The following CYP26A1 variants were observed in gnomAD, a reference collection of about 807,000 sequenced individuals.
The protein encoded by CYP26A1 is cytochrome P450 family 26 subfamily A member 1.
A neutral mutation model predicts 47.4 loss-of-function variants in CYP26A1; 46 were observed. The observed-to-expected ratio is 0.97, with a 90% CI of 0.77 to 1.24. CYP26A1 has a LOEUF of 1.24. CYP26A1 is among the 50% of genes most tolerant of loss of function. CYP26A1 has a pLI of 0.00. For missense variants in CYP26A1, 680 were observed against 644.4 expected, an observed-to-expected ratio of 1.06 and a Z score of -0.60; for synonymous variants, 277 against 263.7, an observed-to-expected ratio of 1.05 and a Z score of -0.49.
Position 93,077,397 on chromosome 10 carries a change from T to C in CYP26A1, c.*93T>C, listed in dbSNP as rs937605564. ...TGACTTTATATTTAATTTCTAAATG[T>C]ATATTATAATATTTATGTGTTTTGA... On this transcript the variant is annotated 3_prime_UTR_variant, in exon 7 of 7. Coordinates refer to ENST00000224356, the MANE Select transcript of CYP26A1 (RefSeq NM_000783.4). 2.0e-6 allele frequency: 1 copy of C among 501,894 alleles called. No individual in the cohort carries two copies. Among genetic ancestry groups the C allele is most frequent in the Non-Finnish European group, 3.3e-6 (1 of 303,444 alleles). 31.1% of individuals were successfully genotyped at this position (501,894 alleles called of 1,614,324 possible). A position where few individuals can be genotyped will look rare whatever the true frequency, so the allele number is the denominator to read the frequency against.
rs1846944631 is a variant in CYP26A1, at chr10:93,074,602, T to C, written c.414+70T>C. The stretch of plus-strand genomic sequence containing the variant: ...TATGAGCGGAATTCCGGCTGATGGA[T>C]GCTAGGCGCGGGCTAGCAGCTTGAG... On this transcript the variant is annotated intron_variant, in intron 2 of 6. Coordinates refer to ENST00000224356, the MANE Select transcript of CYP26A1 (RefSeq NM_000783.4). The surrounding 1 kb of genome is among the most constrained non-coding windows in gnomAD (Gnocchi z 5.3). The C allele has an allele frequency of 8.5e-7, 1 of 1,170,014 alleles. No homozygotes were observed. Among genetic ancestry groups the C allele is most frequent in the African/African-American group, 1.5e-5 (1 of 66,626 alleles). 72.5% of individuals were successfully genotyped at this position (1,170,014 alleles called of 1,614,324 possible).
Position 93,076,619 on chromosome 10 carries a change from GTTA to G in CYP26A1, c.1079_1081del (p.Ile360del), listed in dbSNP as rs781226056. On this transcript the variant is annotated inframe_deletion, in exon 6 of 7. Transcript: ENST00000224356. ...GGAACAACTTAAATACATCGGGTGT[GTTA>G]TTAAGGAGACCCTTCGACTGAATCC... The G allele has an allele frequency of 9.9e-6, 16 of 1,608,436 alleles. No homozygotes were observed. In the Admixed American group the frequency reaches 2.7e-4, roughly 27 times the overall value.
chr10:93,076,195 T>A (rs1421694887), intron 5 of CYP26A1: 3 of 544,528 alleles, frequency 5.5e-6, no homozygotes, highest in Non-Finnish European at 9.8e-6. Flanking sequence ...CTCCACCTTT[T>A]GCTGAACCGT....
Position 93,075,145 on chromosome 10 carries a change from T to G in CYP26A1, c.706-4T>G. 2 of 1,612,826 alleles carry G rather than the reference T, an allele frequency of 1.2e-6. No homozygotes were observed. The highest frequency in any genetic ancestry group is 2.2e-5 in the East Asian group (1 of 44,872). On this transcript the variant is annotated splice_polypyrimidine_tract_variant and splice_region_variant and intron_variant, in intron 3 of 6. Transcript: ENST00000224356. ...GCTCACCGCCGCGCGCTCTCTGCGC[T>G]CAGGGCATGAAGGCGCGGAACCTCA...
At chr10:93,076,348 C>G (rs1345810457) in intron 5 of CYP26A1, 196 bp from the exon 6 acceptor site, 5 of 549,414 alleles carry the variant, frequency 9.1e-6, no homozygotes, top group African/African-American at 1.9e-5. Flanking sequence ...AACTGGTGAG[C>G]AGCATTCTCC....
chr10:93,077,163 T>C lies in CYP26A1; in HGVS notation c.1353T>C (p.Leu451=). The part of the protein sequence containing the change: ...SCVGKEFAKI[L]LKIFTVELAR... ...TAGGCAAAGAATTTGCAAAAATTCT[T>C]CTCAAAATATTTACAGTGGAGCTGG... Residue 451 remains leucine, a synonymous_variant, in exon 7 of 7, where the codon CTT becomes CTC. Coordinates refer to ENST00000224356, the MANE Select transcript of CYP26A1 (RefSeq NM_000783.4). 1 of 1,613,956 alleles carries C rather than the reference T, an allele frequency of 6.2e-7. No individual in the cohort carries two copies.
At chr10:93,073,697 G>A (rs915934794), upstream of CYP26A1, 23 of 531,348 alleles carry the variant, frequency 4.3e-5, no homozygotes, top group Admixed American at 1.1e-4. Context: ...CGCTCGGAGG[G>A]AAGCCGCCAC....
In CYP26A1 at chr10:93,074,601, A is replaced by C; in HGVS notation, c.414+69A>C. 8.6e-7 allele frequency: 1 copy of C among 1,168,940 alleles called. No homozygotes were observed. Among genetic ancestry groups the C allele is most frequent in the Non-Finnish European group, 1.3e-6 (1 of 779,572 alleles). 72.4% of individuals were successfully genotyped at this position (1,168,940 alleles called of 1,614,324 possible). A position where few individuals can be genotyped will look rare whatever the true frequency, so the allele number is the denominator to read the frequency against. On this transcript the variant is annotated intron_variant, in intron 2 of 6. Coordinates refer to ENST00000224356, the MANE Select transcript of CYP26A1 (RefSeq NM_000783.4). This position sits in a 1 kb window ranked among gnomAD's most constrained non-coding sequence, Gnocchi z 5.3. ...TTATGAGCGGAATTCCGGCTGATGG[A>C]TGCTAGGCGCGGGCTAGCAGCTTGA...
In CYP26A1 at chr10:93,074,452, T is replaced by C. The variant is rs1362038444; in HGVS notation, c.334T>C (p.Trp112Arg). ...AGAGCACCGGCTGGTGTCGGTCCAC[T>C]GGCCAGCGTCGGTGCGCACCATTCT... ...LGEHRLVSVHWPASVRTILGS... is the reference protein window; with the variant it reads ...LGEHRLVSVHRPASVRTILGS... Residue 112 changes from tryptophan to arginine, a missense_variant, in exon 2 of 7, where the codon TGG becomes CGG. By Grantham distance (101) the Trp-to-Arg change is moderately radical (BLOSUM62 -3). Coordinates refer to ENST00000224356, the MANE Select transcript of CYP26A1 (RefSeq NM_000783.4). The surrounding 1 kb of genome is among the most constrained non-coding windows in gnomAD (Gnocchi z 5.3). 1.5e-5 allele frequency: 24 copies of C among 1,611,796 alleles called. No homozygotes were observed. The highest frequency in any genetic ancestry group is 2.0e-5 in the Non-Finnish European group (24 of 1,178,688).
chr10:93,076,571 A>T lies in CYP26A1; in HGVS notation c.1027A>T (p.Asn343Tyr), dbSNP rs376570347. ...KGLLCKSNQD[N>Y]KLDMEILEQL... is the part of the protein sequence containing the mutation. Reference sequence around the variant, plus strand: ...TTTACTTTGCAAGAGCAATCAAGACAACAAGTTGGACATGGAAATTTTGGA... The same window carrying T: ...TTTACTTTGCAAGAGCAATCAAGACTACAAGTTGGACATGGAAATTTTGGA... Residue 343 changes from asparagine to tyrosine, a missense_variant, in exon 6 of 7, where the codon AAC becomes TAC. Coordinates refer to ENST00000224356, the MANE Select transcript of CYP26A1 (RefSeq NM_000783.4). The T allele has an allele frequency of 6.2e-6, 10 of 1,609,216 alleles. No individual in the cohort carries two copies. The highest frequency in any genetic ancestry group is 6.8e-6 in the Non-Finnish European group (8 of 1,176,270).
chr10:93,076,530 G>T lies in CYP26A1; in HGVS notation c.1000-14G>T. On this transcript the variant is annotated splice_polypyrimidine_tract_variant and intron_variant, in intron 5 of 6. Transcript: ENST00000224356. ...ACAAAATAACTGTTCACCTCTGTAT[G>T]ACTGTTTTGATAGGGTTTACTTTGC... The T allele has an allele frequency of 6.3e-7, 1 of 1,590,158 alleles. No individual in the cohort carries two copies. The highest frequency in any genetic ancestry group is 8.6e-7 in the Non-Finnish European group (1 of 1,162,552).
chr10:93,074,649 G>A lies in CYP26A1; in HGVS notation c.414+117G>A, dbSNP rs1027605672. On this transcript the variant is annotated intron_variant, in intron 2 of 6. Coordinates refer to ENST00000224356, the MANE Select transcript of CYP26A1 (RefSeq NM_000783.4). This position sits in a 1 kb window ranked among gnomAD's most constrained non-coding sequence, Gnocchi z 5.3. ...TGAGGTGGGCTAGGACCCTCTGCCA[G>A]CTCCAGGTTAGCTTTCCCAGCTCGG... 4 of 1,069,196 alleles carry A rather than the reference G, an allele frequency of 3.7e-6. No homozygotes were observed. Among genetic ancestry groups the A allele is most frequent in the South Asian group, 1.4e-5 (1 of 72,874 alleles). 66.2% of individuals were successfully genotyped at this position (1,069,196 alleles called of 1,614,324 possible). A position where few individuals can be genotyped will look rare whatever the true frequency, so the allele number is the denominator to read the frequency against.
chr10:93,075,892 T>C lies in CYP26A1; in HGVS notation c.931T>C (p.Ser311Pro), dbSNP rs1414014673. 6.2e-7 allele frequency: 1 copy of C among 1,611,102 alleles called. No homozygotes were observed. Among genetic ancestry groups the C allele is most frequent in the East Asian group, 2.2e-5 (1 of 44,856 alleles). Residue 311 changes from serine to proline, a missense_variant, in exon 5 of 7, where the codon TCT (serine) becomes CCT (proline). Transcript: ENST00000224356. ...CGAAACCACGGCCAGTGCAGCCACA[T>C]CTCTGATCACTTACCTGGGGCTCTA... Reference protein sequence around the residue: ...GHETTASAATSLITYLGLYPH... With the variant: ...GHETTASAATPLITYLGLYPH...
chr10:93,074,188 GA>G lies in CYP26A1; in HGVS notation c.189+67del. 1 of 1,519,054 alleles carries G rather than the reference GA, an allele frequency of 6.6e-7. No homozygotes were observed. Among genetic ancestry groups the G allele is most frequent in the Non-Finnish European group, 8.8e-7 (1 of 1,131,452 alleles). The allele number at this position is 1,519,054 out of a possible 1,614,324, so 94.1% of individuals were successfully genotyped here. On this transcript the variant is annotated intron_variant, in intron 1 of 6. Coordinates refer to ENST00000224356, the MANE Select transcript of CYP26A1 (RefSeq NM_000783.4). This position sits in a 1 kb window ranked among gnomAD's most constrained non-coding sequence, Gnocchi z 5.3. Reference sequence around the variant, plus strand: ...CCCGGCGCGGCTCTGGGCTTCTGCTGAAGTCGGGGTAGGCGCCCCCGGGAGG... The same window carrying G: ...CCCGGCGCGGCTCTGGGCTTCTGCTGAGTCGGGGTAGGCGCCCCCGGGAGG...
Position 93,074,670 on chromosome 10 carries a change from C to T in CYP26A1, c.415-109C>T, listed in dbSNP as rs1564956759. 2 of 1,137,230 alleles carry T rather than the reference C, an allele frequency of 1.8e-6. No homozygotes were observed. The highest frequency in any genetic ancestry group is 2.6e-6 in the Non-Finnish European group (2 of 778,458). 70.4% of individuals were successfully genotyped at this position (1,137,230 alleles called of 1,614,324 possible). A position where few individuals can be genotyped will look rare whatever the true frequency, so the allele number is the denominator to read the frequency against. ...GCCAGCTCCAGGTTAGCTTTCCCAG[C>T]TCGGAGAGTGCCATGTGTCTGGCAG... On this transcript the variant is annotated intron_variant, in intron 2 of 6. Coordinates refer to ENST00000224356, the MANE Select transcript of CYP26A1 (RefSeq NM_000783.4). The surrounding 1 kb of genome is among the most constrained non-coding windows in gnomAD (Gnocchi z 5.3).
Position 93,077,188 on chromosome 10 carries a change from G to T in CYP26A1, c.1378G>T (p.Ala460Ser). The stretch of plus-strand genomic sequence containing the variant: ...TCTCAAAATATTTACAGTGGAGCTG[G>T]CCAGGCATTGTGACTGGCAGCTTCT... ...ILLKIFTVEL[A>S]RHCDWQLLNG... The change falls in exon 7 of 7, where the codon GCC becomes TCC. Residue 460 changes from alanine to serine, a missense_variant. Physicochemically the swap from Ala to Ser is moderately conservative, Grantham distance 99. Transcript: ENST00000224356. 1.2e-6 allele frequency: 2 copies of T among 1,612,490 alleles called. No individual in the cohort carries two copies. The highest frequency in any genetic ancestry group is 2.2e-5 in the South Asian group (2 of 91,040).
chr10:93,074,580 G>A lies in CYP26A1; in HGVS notation c.414+48G>A, dbSNP rs370177176. ...GGACAGGGAGGGGGACCCCATTTAT[G>A]AGCGGAATTCCGGCTGATGGATGCT... On this transcript the variant is annotated intron_variant, in intron 2 of 6. Coordinates refer to ENST00000224356, the MANE Select transcript of CYP26A1 (RefSeq NM_000783.4). This position sits in a 1 kb window ranked among gnomAD's most constrained non-coding sequence, Gnocchi z 5.3. 6.8e-5 allele frequency: 87 copies of A among 1,285,126 alleles called. No homozygotes were observed. The highest frequency in any genetic ancestry group is 9.7e-5 in the Non-Finnish European group (86 of 882,120). 79.6% of individuals were successfully genotyped at this position (1,285,126 alleles called of 1,614,324 possible). A position where few individuals can be genotyped will look rare whatever the true frequency, so the allele number is the denominator to read the frequency against.
chr10:93,076,158 G>C (rs1261932751), intron 5 of CYP26A1, among the ~76,000 whole-genome samples, 198 bp downstream of exon 5: 3 of 152,222 alleles, frequency 2.0e-5, no homozygotes, highest in African/African-American at 7.2e-5. Flanking sequence ...CACTTGGGCA[G>C]GGTTTGACCT....
At position 93,077,116 on chromosome 10, in the gene CYP26A1, G is replaced by A. The variant is rs752348123; in HGVS notation, c.1306G>A (p.Gly436Arg). 1.2e-6 allele frequency: 2 copies of A among 1,614,168 alleles called. No individual in the cohort carries two copies. Among genetic ancestry groups the A allele is most frequent in the Middle Eastern group, 1.6e-4 (1 of 6,062 alleles). Reference sequence around the variant, plus strand: ...ATCCAGGTTCAGCTTCATTCCATTTGGAGGAGGCCTTAGGAGCTGTGTAGG... The same window carrying A: ...ATCCAGGTTCAGCTTCATTCCATTTAGAGGAGGCCTTAGGAGCTGTGTAGG... The part of the protein sequence containing the change: ...DASRFSFIPF[G>R]GGLRSCVGKE... The change falls in exon 7 of 7, where the codon GGA becomes AGA. Residue 436 changes from glycine (G) to arginine (R), a missense_variant. Physicochemically the swap from Gly to Arg is moderately radical, Grantham distance 125. Coordinates refer to ENST00000224356, the MANE Select transcript of CYP26A1 (RefSeq NM_000783.4).
Sources: allele counts gnomAD v4.1 joint callset (sites outside exome capture counted in the v4.1 genomes callset), GRCh38; gene constraint gnomAD v4.1.1; non-coding constraint Gnocchi (gnomAD v3.1); transcripts MANE v1.5; gene names NCBI Gene and HGNC (gene_info 2026-07-23, HGNC 2026-07-21).